The following PLB1 variants were observed in gnomAD, a reference collection of about 807,000 sequenced individuals.
The protein encoded by PLB1 is phospholipase B1, membrane-associated.
Under a neutral mutation model 227.4 loss-of-function variants are expected in PLB1, and 242 were observed. That is an observed-to-expected ratio of 1.06 (90% CI 0.96 to 1.18). The LOEUF (loss-of-function observed/expected upper bound fraction) is 1.18. Among genes scored for constraint, PLB1 ranks in the 50% most tolerant of loss-of-function variants. PLB1 has a pLI of 0.00. For synonymous variants in PLB1, 757 were observed against 682.2 expected, an observed-to-expected ratio of 1.11 and a Z score of -1.71; for missense variants, 1,858 against 1,816.3, an observed-to-expected ratio of 1.02 and a Z score of -0.42.
intron 1 of PLB1, among the ~76,000 whole-genome samples, chr2:28,496,999 G>A (rs1387146760): frequency 1.3e-5 from 2 of 152,228 alleles, no homozygotes; most frequent in African/African-American, 4.8e-5. Flanking sequence ...TCTGGGGCAA[G>A]TCAGTTACCG....
At chr2:28,539,227 G>A (rs754671863) in intron 11 of PLB1, 49 bp downstream of exon 11, 21 of 1,508,116 alleles carry the variant, frequency 1.4e-5, no homozygotes, top group East Asian at 4.5e-5. Flanking sequence ...CGGCTGTCAC[G>A]TGTGCGGCCT....
At position 28,579,826 on chromosome 2, in the gene PLB1, T is replaced by C. The variant is rs1679621660; in HGVS notation, c.1566+119T>C. ...TGGGACTCAGGCTCATGGTTTGTCTTGGATCCAGCCTGGGATGAACCCTGA... is the reference window on the plus strand; with the variant it reads ...TGGGACTCAGGCTCATGGTTTGTCTCGGATCCAGCCTGGGATGAACCCTGA... On this transcript the variant is annotated intron_variant, in intron 23 of 57. Coordinates refer to ENST00000327757, the MANE Select transcript of PLB1 (RefSeq NM_153021.5). 11 of 840,312 alleles carry C rather than the reference T, an allele frequency of 1.3e-5. No individual in the cohort carries two copies. The Admixed American group carries it at 2.0e-4, about 16-fold the overall frequency. 52.1% of individuals were successfully genotyped at this position (840,312 alleles called of 1,614,324 possible). A position where few individuals can be genotyped will look rare whatever the true frequency, so the allele number is the denominator to read the frequency against.
intron 14 of PLB1, among the ~76,000 whole-genome samples, chr2:28,547,202 CAAAAAAA>C (rs531346408): frequency 1.0e-5 from 1 of 99,912 alleles, no homozygotes; most frequent in Non-Finnish European, 2.0e-5. Context: ...ACCCTGTCTC[CAAAAAAA>C]AAAAAAAGAA....
chr2:28,542,751 C>T (rs540406407), intron 13 of PLB1, among the ~76,000 whole-genome samples: 4 of 152,294 alleles, frequency 2.6e-5, no homozygotes, highest in African/African-American at 4.8e-5. Context: ...CCGAGGTCTC[C>T]GTAGCCTCAG....
intron 16 of PLB1, among the ~76,000 whole-genome samples, chr2:28,550,774 TC>T (rs2148222019): frequency 6.6e-6 from 1 of 151,926 alleles, no homozygotes; most frequent in African/African-American, 2.4e-5. Context: ...ACTCCTGACC[TC>T]ATGGTCCACC....
At chr2:28,638,711 G>GA (rs70956028) in intron 56 of PLB1, among the ~76,000 whole-genome samples, 8,793 of 149,322 alleles carry the variant, frequency 0.059, 358 homozygotes, top group Non-Finnish European at 0.091. Flanking sequence ...AGCGTGGGAG[G>GA]AAAAAAAATC....
chr2:28,566,160 G>T (rs1051547443), intron 19 of PLB1, among the ~76,000 whole-genome samples: 2 of 152,088 alleles, frequency 1.3e-5, no homozygotes, highest in Non-Finnish European at 2.9e-5. Flanking sequence ...CCGAGTCTCT[G>T]GCATCCTTCC....
At chr2:28,627,626 A>G (rs1275413982) in intron 51 of PLB1, among the ~76,000 whole-genome samples, 1 of 152,158 alleles carries the variant, frequency 6.6e-6, no homozygotes, top group Non-Finnish European at 1.5e-5. Flanking sequence ...CTTCTTCCCA[A>G]CTCCCAGTAC....
At chr2:28,592,804 C>A in intron 32 of PLB1, 85 bp downstream of exon 32, 2 of 1,288,668 alleles carry the variant, frequency 1.6e-6, no homozygotes, top group African/African-American at 1.5e-5. Context: ...GTCTGCATGC[C>A]TGTCCTCTGC....
At position 28,598,854 on chromosome 2, in the gene PLB1, G is replaced by A. The variant is rs1177873823; in HGVS notation, c.2474+94G>A. On this transcript the variant is annotated intron_variant, in intron 35 of 57. Transcript: ENST00000327757. ...CATGGGGCTGGCCTCTATGTGCAAA[G>A]GGGCACTTAGCCACTTGTGAGGCTC... 3 of 1,100,084 alleles carry A rather than the reference G, an allele frequency of 2.7e-6. No homozygotes were observed. The African/African-American group carries it at 4.6e-5, about 17-fold the overall frequency. 68.1% of individuals were successfully genotyped at this position (1,100,084 alleles called of 1,614,324 possible).
intron 22 of PLB1, 75 bp downstream of exon 22, chr2:28,578,233 G>A: frequency 6.8e-7 from 1 of 1,470,454 alleles, no homozygotes; most frequent in East Asian, 2.3e-5. Context: ...TTGAGGGATG[G>A]TTGGGAGCCC....
chr2:28,572,438 A>C (rs1678167094), intron 20 of PLB1, among the ~76,000 whole-genome samples: 3 of 152,174 alleles, frequency 2.0e-5, no homozygotes, highest in Admixed American at 1.3e-4. Context: ...TCCACACAAA[A>C]ACTTGTACAC....
intron 33 of PLB1, chr2:28,595,172 A>G (rs12467758): frequency 0.17 from 26,397 of 152,170 alleles, 2,471 homozygotes; most frequent in East Asian, 0.28. Context: ...GCGATGGGAA[A>G]ATTCAGCCAT....
Position 28,573,216 on chromosome 2 carries a change from C to G in PLB1, c.1344C>G (p.Asn448Lys). ...TTLANILREF[N>K]PSLKGFSVGT... ...TTGCAGACATCCTCCGGGAATTCAACCCTTCCCTGAAGGGCTTCTCTGTTG... is the reference window on the plus strand; with the variant it reads ...TTGCAGACATCCTCCGGGAATTCAAGCCTTCCCTGAAGGGCTTCTCTGTTG... Residue 448 changes from asparagine to lysine, a missense_variant, in exon 21 of 58, where the codon AAC becomes AAG. Physicochemically the swap from Asn to Lys is moderately conservative, Grantham distance 94 (BLOSUM62 0). Coordinates refer to ENST00000327757, the MANE Select transcript of PLB1 (RefSeq NM_153021.5). 6.2e-7 allele frequency: 1 copy of G among 1,613,866 alleles called. No individual in the cohort carries two copies. The highest frequency in any genetic ancestry group is 8.5e-7 in the Non-Finnish European group (1 of 1,179,768).
At position 28,548,936 on chromosome 2, in the gene PLB1, G is replaced by A. The variant is rs749998778; in HGVS notation, c.1008+5G>A. 2 of 1,613,854 alleles carry A rather than the reference G, an allele frequency of 1.2e-6. No homozygotes were observed. The highest frequency in any genetic ancestry group is 2.2e-5 in the South Asian group (2 of 91,060). On this transcript the variant is annotated splice_donor_5th_base_variant and intron_variant, in intron 15 of 57. Coordinates refer to ENST00000327757, the MANE Select transcript of PLB1 (RefSeq NM_153021.5). ...CCAATGAAGTGTCCCTCTCAGGTAGGAGGGACTGGGCAGAGGAGGGACTCT... is the reference window on the plus strand; with the variant it reads ...CCAATGAAGTGTCCCTCTCAGGTAGAAGGGACTGGGCAGAGGAGGGACTCT...
intron 10 of PLB1, 57 bp from the exon 11 acceptor site, chr2:28,539,042 C>A: frequency 1.4e-6 from 2 of 1,429,728 alleles, no homozygotes; most frequent in Non-Finnish European, 2.0e-6. Context: ...TTCCAGAAAG[C>A]CCGGCAGCCA....
At chr2:28,519,584 C>T in intron 3 of PLB1, 121 bp from the exon 4 acceptor site, 1 of 719,544 alleles carries the variant, frequency 1.4e-6, no homozygotes, top group Non-Finnish European at 2.4e-6. Context: ...GGCCAACAGA[C>T]TGGACCTCCG....
At chr2:28,592,357 G>GCCCT (rs574789903) in intron 31 of PLB1, among the ~76,000 whole-genome samples, 46 of 151,606 alleles carry the variant, frequency 3.0e-4, no homozygotes, top group African/African-American at 1.1e-3. Context: ...ACTCTGCCCT[G>GCCCT]CCCTCCCTCC....
intron 5 of PLB1, 126 bp from the exon 6 acceptor site, chr2:28,525,779 A>G: frequency 8.4e-7 from 1 of 1,188,870 alleles, no homozygotes; most frequent in Non-Finnish European, 1.2e-6. Flanking sequence ...CCCTGGGAGG[A>G]TAATCCCAGA....
Sources: gnomAD v4.1 joint callset for allele counts (sites outside exome capture counted in the v4.1 genomes callset) on GRCh38, gnomAD v4.1.1 for gene constraint, MANE v1.5 for transcripts, NCBI Gene and HGNC (gene_info 2026-07-23, HGNC 2026-07-21) for gene names.